KPNA7: variants seen among roughly 807,000 people sequenced by gnomAD.
The protein encoded by KPNA7 is karyopherin subunit alpha 7, also known as importin subunit alpha-8.
A neutral mutation model predicts 53.7 loss-of-function variants in KPNA7; 54 were observed. The observed-to-expected ratio is 1.01, with a 90% CI of 0.81 to 1.26. The LOEUF (loss-of-function observed/expected upper bound fraction) is 1.26, where lower values mean the gene tolerates loss of function less well. Among genes scored for constraint, KPNA7 ranks in the 50% most tolerant of loss-of-function variants. The pLI is 0.00. For missense variants in KPNA7, 640 were observed against 644.5 expected, an observed-to-expected ratio of 0.99 and a Z score of 0.07; for synonymous variants, 276 against 259.3, an observed-to-expected ratio of 1.06 and a Z score of -0.62.
the KPNA7 span, among the ~76,000 whole-genome samples, chr7:99,159,437 G>C: frequency 3.3e-5 from 5 of 151,818 alleles, no homozygotes; most frequent in Admixed American, 3.3e-4. Flanking sequence ...CATGGAATAG[G>C]GGGATGTAAC....
intron 8 of KPNA7, 90 bp from the exon 9 acceptor site, chr7:99,182,155 G>T: frequency 1.1e-6 from 1 of 923,200 alleles, no homozygotes; most frequent in Non-Finnish European, 1.6e-6. Flanking sequence ...GGAGGCTGGT[G>T]ACAGCCAGGA....
chr7:99,201,975 T>C (rs981767331), intron 3 of KPNA7, among the ~76,000 whole-genome samples: 3 of 152,146 alleles, frequency 2.0e-5, no homozygotes, highest in Non-Finnish European at 1.5e-5. Flanking sequence ...CCCAAAGTGC[T>C]AGGACTACAG....
At chr7:99,157,393 G>T in the KPNA7 span, among the ~76,000 whole-genome samples, 3 of 152,058 alleles carry the variant, frequency 2.0e-5, no homozygotes, top group South Asian at 6.2e-4. Context: ...ATTTTTAGTA[G>T]AAACAGGGTT....
At chr7:99,167,933 A>G in the KPNA7 span, among the ~76,000 whole-genome samples, 140 of 152,124 alleles carry the variant, frequency 9.2e-4, no homozygotes, top group African/African-American at 3.2e-3. Flanking sequence ...ACAATGTGAT[A>G]ATAAAGTACA....
At chr7:99,164,970 G>A in the KPNA7 span, among the ~76,000 whole-genome samples, 2 of 151,890 alleles carry the variant, frequency 1.3e-5, no homozygotes, top group African/African-American at 2.4e-5. Flanking sequence ...GGCAGTACCC[G>A]CCTGTAGTCC....
chr7:99,214,313 T>C (rs1305660298), intron 1 of KPNA7, among the ~76,000 whole-genome samples: 1 of 150,562 alleles, frequency 6.6e-6, no homozygotes, highest in Non-Finnish European at 1.5e-5. Flanking sequence ...GATGGTGGCA[T>C]GTGCCTGTAG....
chr7:99,193,050 T>C lies in KPNA7; in HGVS notation c.605A>G (p.His202Arg). ...GGTGGGTGAAATCAAGGCTAGGAGA[T>C]GTGGGATGGCATTGCTTGTGATGAC... ...DNVITSNAIP[H>R]LLALISPTLP... The change falls in exon 6 of 11, where the codon CAT (histidine) becomes CGT (arginine). Residue 202 changes from histidine to arginine, a missense_variant. His to Arg is a conservative substitution (Grantham distance 29, BLOSUM62 0). Coordinates refer to ENST00000327442, the MANE Select transcript of KPNA7 (RefSeq NM_001145715.3). 1.3e-6 allele frequency: 2 copies of C among 1,511,046 alleles called. No homozygotes were observed. Among genetic ancestry groups the C allele is most frequent in the Admixed American group, 2.3e-5 (1 of 42,814 alleles). The allele number at this position is 1,511,046 out of a possible 1,614,324, so 93.6% of individuals were successfully genotyped here. A position where few individuals can be genotyped will look rare whatever the true frequency, so the allele number is the denominator to read the frequency against.
chr7:99,177,300 C>T (rs1180995373), intron 10 of KPNA7, among the ~76,000 whole-genome samples: 1 of 152,086 alleles, frequency 6.6e-6, no homozygotes, highest in African/African-American at 2.4e-5. Context: ...TGGAGACGGG[C>T]CGGGTGTGGT....
chr7:99,181,638 C>G (rs1799277616), intron 9 of KPNA7, among the ~76,000 whole-genome samples: 1 of 152,080 alleles, frequency 6.6e-6, no homozygotes, highest in South Asian at 2.1e-4. Flanking sequence ...ACCTCTGCCT[C>G]CTGGGTTTCA....
chr7:99,161,266 T>C, the KPNA7 span, among the ~76,000 whole-genome samples: 2 of 103,266 alleles, frequency 1.9e-5, no homozygotes, highest in African/African-American at 7.6e-5. Context: ...TCTCTCTCTC[T>C]CTCTGATCAC....
At chr7:99,175,597 C>T (rs1002092556) in intron 10 of KPNA7, among the ~76,000 whole-genome samples, 3 of 151,848 alleles carry the variant, frequency 2.0e-5, no homozygotes, top group African/African-American at 7.3e-5. Flanking sequence ...CTCACTGCAA[C>T]CTCTGCTCTG....
intron 9 of KPNA7, among the ~76,000 whole-genome samples, chr7:99,180,529 C>CTGTCTCCG (rs1563067403): frequency 2.2e-5 from 2 of 92,452 alleles, no homozygotes; most frequent in African/African-American, 3.7e-5. Context: ...GTCTCTATCT[C>CTGTCTCCG]TCTGTCTCCG....
At position 99,173,898 on chromosome 7, in the gene KPNA7, T is replaced by C. The variant is rs753035247; in HGVS notation, c.1465-104A>G. Reference sequence around the variant, plus strand: ...GTAACAAAATTGACCCTCTTAACCATGTTTAAGCAGGTAGCTTAGTAGCAA... The same window carrying C: ...GTAACAAAATTGACCCTCTTAACCACGTTTAAGCAGGTAGCTTAGTAGCAA... On this transcript the variant is annotated intron_variant, in intron 10 of 10. Coordinates refer to ENST00000327442, the MANE Select transcript of KPNA7 (RefSeq NM_001145715.3). 5.9e-6 allele frequency: 4 copies of C among 676,244 alleles called. No homozygotes were observed. In the East Asian group the frequency reaches 1.1e-4, roughly 19 times the overall value. 41.9% of individuals were successfully genotyped at this position (676,244 alleles called of 1,614,324 possible).
At chr7:99,157,189 G>A in the KPNA7 span, among the ~76,000 whole-genome samples, 11 of 152,120 alleles carry the variant, frequency 7.2e-5, no homozygotes, top group South Asian at 2.3e-3. Context: ...TGGTTGTTTT[G>A]TTCATTTGCC....
At chr7:99,200,698 A>G (rs13244579) in intron 3 of KPNA7, among the ~76,000 whole-genome samples, 12,054 of 152,256 alleles carry the variant, frequency 0.079, 512 homozygotes, top group South Asian at 0.15. Flanking sequence ...AAACAAGGCC[A>G]GACACGGTGG....
At chr7:99,184,150 CAA>C in intron 8 of KPNA7, among the ~76,000 whole-genome samples, 1 of 115,316 alleles carries the variant, frequency 8.7e-6, no homozygotes, top group African/African-American at 3.3e-5. Flanking sequence ...TGCCTGCCCA[CAA>C]CCTTTTTTTT....
intron 3 of KPNA7, among the ~76,000 whole-genome samples, chr7:99,199,503 A>G (rs979751580): frequency 2.0e-5 from 3 of 152,222 alleles, no homozygotes; most frequent in Admixed American, 1.3e-4. Context: ...GGTAGAAAAT[A>G]GTCTCAAATA....
At chr7:99,163,359 G>GTGTATATATATATATATATATATATATA in the KPNA7 span, among the ~76,000 whole-genome samples, 6 of 66,418 alleles carry the variant, frequency 9.0e-5, no homozygotes, top group South Asian at 8.5e-4. Context: ...ATGAGTGTGT[G>GTGTATATATATATATATATATATATATA]TATATATATA....
chr7:99,173,062 CAA>C (rs923484332), downstream of KPNA7, among the ~76,000 whole-genome samples: 5 of 57,168 alleles, frequency 8.7e-5, no homozygotes, highest in Non-Finnish European at 9.8e-5. Flanking sequence ...AACTCCATCT[CAA>C]AAAAAAAAAA....
Sources: allele counts gnomAD v4.1 joint callset (sites outside exome capture counted in the v4.1 genomes callset), GRCh38; gene constraint gnomAD v4.1.1; transcripts MANE v1.5; gene names NCBI Gene and HGNC (gene_info 2026-07-23, HGNC 2026-07-21).